GAB1: variants seen among roughly 807,000 people sequenced by gnomAD.
GAB1 encodes GRB2-associated-binding protein 1.
A neutral mutation model predicts 66.5 loss-of-function variants in GAB1; 19 were observed. The observed-to-expected ratio is 0.29, with a 90% confidence interval of 0.20 to 0.42. The LOEUF (loss-of-function observed/expected upper bound fraction) is 0.42. GAB1 is among the 10% of genes least tolerant of loss of function. The pLI, the probability that GAB1 is intolerant of heterozygous loss-of-function variation, is 1.00. For missense variants in GAB1, 732 were observed against 858.5 expected (o/e 0.85, Z 1.84); for synonymous variants, 294 against 301.4 (o/e 0.98, Z 0.25).
intron 2 of GAB1, among the ~76,000 whole-genome samples, chr4:143,421,144 G>A (rs1222206538): frequency 1.5e-4 from 23 of 152,130 alleles, no homozygotes; most frequent in Admixed American, 1.2e-3. Context: ...CTGTGGATTA[G>A]TTTGGCCTAT....
At chr4:143,339,053 A>G (rs1189000050) in intron 1 of GAB1, among the ~76,000 whole-genome samples, 1 of 152,252 alleles carries the variant, frequency 6.6e-6, no homozygotes, top group Non-Finnish European at 1.5e-5. Flanking sequence ...TGTCTTAACA[A>G]GAAAAACAAA....
In GAB1 at chr4:143,371,698, C is replaced by A. The variant is rs1213506049; in HGVS notation, c.72+34438C>A. 2.0e-5 allele frequency among the ~76,000 whole-genome samples: 3 copies of A among 152,172 alleles called. No homozygotes were observed. The East Asian group carries it at 5.8e-4, about 29-fold the overall frequency. On this transcript the variant is annotated intron_variant, in intron 1 of 9. Transcript: ENST00000262994. ...ATGGTTTTAGGTCTAACATTTAAGTCTTTAATCCATCTTGAATTAATTTTT... is the reference window on the plus strand; with the variant it reads ...ATGGTTTTAGGTCTAACATTTAAGTATTTAATCCATCTTGAATTAATTTTT...
intron 1 of GAB1, among the ~76,000 whole-genome samples, chr4:143,410,798 A>G (rs1477892774): frequency 2.0e-5 from 3 of 152,306 alleles, no homozygotes; most frequent in Non-Finnish European, 4.4e-5. Context: ...GAACTTCTGT[A>G]TTTTTAATCC....
intron 1 of GAB1, among the ~76,000 whole-genome samples, chr4:143,354,016 AAGTTT>A (rs1261658978): frequency 1.3e-5 from 2 of 152,162 alleles, no homozygotes; most frequent in Non-Finnish European, 2.9e-5. Context: ...GAGTCCGAGT[AAGTTT>A]AGTTAGTAGA....
intron 1 of GAB1, among the ~76,000 whole-genome samples, chr4:143,344,908 G>GT (rs1264280517): frequency 1.3e-5 from 2 of 152,090 alleles, no homozygotes; most frequent in African/African-American, 4.8e-5. Context: ...CTCCCAGCCC[G>GT]TTTTTAAAAA....
chr4:143,439,671 C>G (rs1734119815), intron 4 of GAB1, 131 bp from the exon 5 acceptor site: 1 of 643,334 alleles, frequency 1.6e-6, no homozygotes. Context: ...TATGAGCATC[C>G]TTTTTAAAAT....
intron 1 of GAB1, among the ~76,000 whole-genome samples, chr4:143,365,343 A>G (rs1478441752): frequency 6.6e-6 from 1 of 152,084 alleles, no homozygotes; most frequent in Non-Finnish European, 1.5e-5. Context: ...TCTCTTTTCT[A>G]ATCCTTCAGT....
chr4:143,472,678 G>C lies in GAB1; in HGVS notation c.*3489G>C, dbSNP rs1560796987. 6.6e-6 allele frequency: 1 copy of C among 152,034 alleles called. No homozygotes were observed. Among genetic ancestry groups the C allele is most frequent in the African/African-American group, 2.4e-5 (1 of 41,380 alleles). The allele number at this position is 152,034 out of a possible 1,614,324, so 9.4% of individuals were successfully genotyped here. On this transcript the variant is annotated 3_prime_UTR_variant, in exon 10 of 10. Transcript: ENST00000262994. ...TTTGGCCCTCTAATAATGCTGAGGT[G>C]GGCTGATCCTTCCCATTTCTGTCTT...
chr4:143,452,064 C>G (rs1463206781), intron 6 of GAB1, among the ~76,000 whole-genome samples: 1 of 152,172 alleles, frequency 6.6e-6, no homozygotes, highest in Non-Finnish European at 1.5e-5. Flanking sequence ...TTTGCCTTGA[C>G]ATCAGTGTTT....
At chr4:143,393,117 T>C (rs182878556) in intron 1 of GAB1, among the ~76,000 whole-genome samples, 30 of 151,666 alleles carry the variant, frequency 2.0e-4, no homozygotes, top group Admixed American at 1.4e-3. Context: ...AGATGAAAAA[T>C]ACTAGACTGG....
intron 1 of GAB1, among the ~76,000 whole-genome samples, chr4:143,363,048 A>G (rs1000541476): frequency 3.3e-5 from 5 of 152,250 alleles, no homozygotes; most frequent in African/African-American, 1.2e-4. Flanking sequence ...AAAGGAACTG[A>G]TGCTCAGAGT....
At position 143,471,165 on chromosome 4, in the gene GAB1, C is replaced by A. The variant is rs1010518047; in HGVS notation, c.*1976C>A. On this transcript the variant is annotated 3_prime_UTR_variant, in exon 10 of 10. Coordinates refer to ENST00000262994, the MANE Select transcript of GAB1 (RefSeq NM_002039.4). ...ACATGATTAATTCAAAAATAAAAAT[C>A]TTTACAGCTGCCTATCAAGGGTCTA... 1 of 152,066 alleles carries A rather than the reference C, an allele frequency of 6.6e-6. No individual in the cohort carries two copies. Among genetic ancestry groups the A allele is most frequent in the Admixed American group, 6.6e-5 (1 of 15,262 alleles). 9.4% of individuals were successfully genotyped at this position (152,066 alleles called of 1,614,324 possible).
intron 1 of GAB1, chr4:143,395,851 AAAG>A (rs1163390515): frequency 3.1e-5 from 14 of 454,218 alleles, no homozygotes; most frequent in African/African-American, 6.0e-5. Context: ...GTAAGTGAAG[AAAG>A]AAGAAGGCAC....
At chr4:143,452,626 T>G (rs1734984420) in intron 6 of GAB1, among the ~76,000 whole-genome samples, 1 of 152,254 alleles carries the variant, frequency 6.6e-6, no homozygotes, top group Non-Finnish European at 1.5e-5. Context: ...ATAAATTTTC[T>G]TATTTTAAAA....
At chr4:143,392,482 G>C (rs1322058848) in intron 1 of GAB1, among the ~76,000 whole-genome samples, 2 of 152,126 alleles carry the variant, frequency 1.3e-5, no homozygotes, top group Non-Finnish European at 2.9e-5. Context: ...TTAAATTGTG[G>C]TAAGATACAT....
intron 6 of GAB1, among the ~76,000 whole-genome samples, chr4:143,446,541 C>T (rs886073561): frequency 5.9e-5 from 9 of 151,948 alleles, no homozygotes; most frequent in Non-Finnish European, 1.0e-4. Flanking sequence ...TCTCTGATGG[C>T]CAGTGATGAT....
intron 6 of GAB1, among the ~76,000 whole-genome samples, chr4:143,447,450 T>G (rs548558144): frequency 6.6e-6 from 1 of 152,344 alleles, no homozygotes; most frequent in South Asian, 2.1e-4. Context: ...TTCCATTTGT[T>G]TGTATCCTCT....
chr4:143,442,474 CATA>C (rs1734296896), intron 6 of GAB1, among the ~76,000 whole-genome samples: 1 of 152,016 alleles, frequency 6.6e-6, no homozygotes. Flanking sequence ...ATGTGGTAAG[CATA>C]ATATGAAATC....
At chr4:143,400,030 C>G (rs1338536855) in intron 1 of GAB1, among the ~76,000 whole-genome samples, 1 of 151,560 alleles carries the variant, frequency 6.6e-6, no homozygotes, top group Non-Finnish European at 1.5e-5. Flanking sequence ...CCTCCGTCTC[C>G]TGGGTGTTCA....
Sources: gnomAD v4.1 joint callset for allele counts (sites outside exome capture counted in the v4.1 genomes callset) on GRCh38, gnomAD v4.1.1 for gene constraint, MANE v1.5 for transcripts, NCBI Gene and HGNC (gene_info 2026-07-23, HGNC 2026-07-21) for gene names.